ERBB4: variants seen among roughly 807,000 people sequenced by gnomAD.
ERBB4 encodes the protein receptor tyrosine-protein kinase erbB-4.
ERBB4 carries 42 observed loss-of-function variants against 158.0 expected under a neutral mutation model. The observed-to-expected ratio is 0.27, with a 90% CI of 0.21 to 0.34. The LOEUF is 0.34. ERBB4 is among the 10% of genes least tolerant of loss of function. The pLI, the probability that ERBB4 is intolerant of heterozygous loss-of-function variation, is 1.00. For missense variants in ERBB4, 1,333 were observed against 1,624.1 expected, an observed-to-expected ratio of 0.82 and a Z score of 3.08; for synonymous variants, 583 against 558.7, an observed-to-expected ratio of 1.04 and a Z score of -0.61.
intron 2 of ERBB4, among the ~76,000 whole-genome samples, chr2:212,066,766 T>C (rs2077960325): frequency 1.3e-5 from 2 of 151,984 alleles, no homozygotes; most frequent in South Asian, 4.1e-4. Context: ...TAAAAGCTTC[T>C]TGCCAGCAAT....
chr2:211,873,580 G>C (rs1163303490), intron 3 of ERBB4, among the ~76,000 whole-genome samples: 2 of 152,276 alleles, frequency 1.3e-5, no homozygotes, highest in East Asian at 3.9e-4. Flanking sequence ...TGTTGTATAT[G>C]TTCTCCAACT....
chr2:212,002,797 G>A (rs12470126), intron 2 of ERBB4, among the ~76,000 whole-genome samples: 8,353 of 152,078 alleles, frequency 0.055, 268 homozygotes, highest in South Asian at 0.11. Flanking sequence ...GGTGGCTCAC[G>A]CCTGTAATCC....
At chr2:212,110,563 C>G (rs1382269260) in intron 2 of ERBB4, among the ~76,000 whole-genome samples, 4 of 152,224 alleles carry the variant, frequency 2.6e-5, no homozygotes, top group Admixed American at 6.5e-5. Context: ...AACCACCACA[C>G]TAAGGCGAAG....
chr2:211,503,967 G>A (rs1283080080), intron 20 of ERBB4, among the ~76,000 whole-genome samples: 1 of 152,100 alleles, frequency 6.6e-6, no homozygotes, highest in Non-Finnish European at 1.5e-5. Flanking sequence ...ACATCCTGGA[G>A]CTTGCCCTGA....
At chr2:211,506,707 G>A (rs1053604636) in intron 20 of ERBB4, among the ~76,000 whole-genome samples, 3 of 147,174 alleles carry the variant, frequency 2.0e-5, no homozygotes, top group African/African-American at 7.3e-5. Flanking sequence ...TGAAACAAAT[G>A]AAAACAGAGA....
At chr2:212,295,778 C>T (rs992776754) in intron 1 of ERBB4, among the ~76,000 whole-genome samples, 6 of 151,974 alleles carry the variant, frequency 3.9e-5, no homozygotes, top group Non-Finnish European at 7.4e-5. Flanking sequence ...ATTACTGTGA[C>T]GTAGGCAAAT....
intron 25 of ERBB4, among the ~76,000 whole-genome samples, chr2:211,406,135 C>A (rs998068720): frequency 5.3e-5 from 8 of 152,162 alleles, no homozygotes; most frequent in Non-Finnish European, 1.2e-4. Flanking sequence ...TGCTTAAAAA[C>A]CCTTATTTGC....
chr2:212,536,377 A>T (rs1276037741), intron 1 of ERBB4, among the ~76,000 whole-genome samples: 1 of 152,196 alleles, frequency 6.6e-6, no homozygotes, highest in Non-Finnish European at 1.5e-5. Context: ...TCACCTTAGT[A>T]TGCGTGTTGC....
intron 1 of ERBB4, among the ~76,000 whole-genome samples, chr2:212,380,456 C>CTG (rs6147158): frequency 0.17 from 23,815 of 142,930 alleles, 1,939 homozygotes; most frequent in African/African-American, 0.2. Flanking sequence ...AGGAATGACT[C>CTG]TGTGTGTGTG....
At chr2:211,632,901 C>A (rs1369964369) in intron 16 of ERBB4, among the ~76,000 whole-genome samples, 1 of 151,938 alleles carries the variant, frequency 6.6e-6, no homozygotes, top group Non-Finnish European at 1.5e-5. Flanking sequence ...GTACAAACAA[C>A]CTGAAGGAAT....
chr2:212,295,954 ACT>A (rs1574623168), intron 1 of ERBB4, among the ~76,000 whole-genome samples: 3 of 151,886 alleles, frequency 2.0e-5, no homozygotes, highest in East Asian at 3.9e-4. Flanking sequence ...CATGCAGTTA[ACT>A]CTTAATGTTT....
intron 3 of ERBB4, among the ~76,000 whole-genome samples, chr2:211,808,607 G>A (rs1355319027): frequency 6.6e-6 from 1 of 152,150 alleles, no homozygotes; most frequent in African/African-American, 2.4e-5. Context: ...TCTTGGCAAT[G>A]CAGGCTCTTT....
intron 1 of ERBB4, among the ~76,000 whole-genome samples, chr2:212,406,338 A>T (rs779260882): frequency 3.3e-5 from 5 of 152,102 alleles, no homozygotes; most frequent in Admixed American, 6.6e-5. Context: ...TCTAAAGGAG[A>T]CTACAAAAAT....
intron 3 of ERBB4, among the ~76,000 whole-genome samples, chr2:211,870,858 C>T (rs542601372): frequency 5.3e-5 from 8 of 152,026 alleles, no homozygotes; most frequent in Admixed American, 4.6e-4. Flanking sequence ...ATCAAGAATG[C>T]CTGATTTCTC....
intron 1 of ERBB4, among the ~76,000 whole-genome samples, chr2:212,343,426 G>A (rs2088819539): frequency 1.3e-5 from 2 of 152,254 alleles, no homozygotes; most frequent in Middle Eastern, 3.4e-3. Context: ...TAAAATGATA[G>A]GAATAACACA....
chr2:211,511,328 G>A (rs888824780), intron 20 of ERBB4, among the ~76,000 whole-genome samples: 1 of 151,964 alleles, frequency 6.6e-6, no homozygotes, highest in Non-Finnish European at 1.5e-5. Flanking sequence ...TGACAGCAAT[G>A]TCAAAATTTT....
chr2:211,474,404 G>T (rs2064903971), intron 20 of ERBB4, among the ~76,000 whole-genome samples: 1 of 152,130 alleles, frequency 6.6e-6, no homozygotes, highest in African/African-American at 2.4e-5. Flanking sequence ...TTAATGATAA[G>T]TGGTATAGCC....
chr2:211,589,003 A>T (rs2068377822), intron 19 of ERBB4, among the ~76,000 whole-genome samples: 2 of 152,182 alleles, frequency 1.3e-5, no homozygotes. Flanking sequence ...AGTATGTGGA[A>T]AATACAAGAA....
intron 4 of ERBB4, among the ~76,000 whole-genome samples, chr2:211,776,610 T>C (rs1447893054): frequency 6.6e-6 from 1 of 152,222 alleles, no homozygotes; most frequent in Non-Finnish European, 1.5e-5. Flanking sequence ...TTGCTTTGAA[T>C]ACTTAAGCTA....
Sources: gnomAD v4.1 joint callset for allele counts (sites outside exome capture counted in the v4.1 genomes callset) on GRCh38, gnomAD v4.1.1 for gene constraint, MANE v1.5 for transcripts, NCBI Gene and HGNC (gene_info 2026-07-23, HGNC 2026-07-21) for gene names.